Variants in VMA22 observed in about 807,000 individuals in gnomAD.
VMA22 encodes the protein vacuolar ATPase assembly protein VMA22.
At chr2:130,342,539 G>C in the VMA22 span, 4 of 457,842 alleles carry the variant, frequency 8.7e-6, no homozygotes, top group East Asian at 1.4e-4. Context: ...ACCTTCAGTC[G>C]GTGTGCGGTT....
At chr2:130,340,242 G>A in the VMA22 span, 6 of 164,234 alleles carry the variant, frequency 3.7e-5, no homozygotes, top group African/African-American at 9.6e-5. Flanking sequence ...CTCCAGTGAC[G>A]CTATCTGCTT....
At chr2:130,341,801 G>GGGGCGGCGCC in the VMA22 span, 1 of 1,378,140 alleles carries the variant, frequency 7.3e-7, no homozygotes, top group Non-Finnish European at 9.9e-7. Context: ...CCTAGAACGC[G>GGGGCGGCGCC]CCCGCCCGCC....
chr2:130,342,667 A>G, the VMA22 span: 2 of 515,690 alleles, frequency 3.9e-6, no homozygotes, highest in Non-Finnish European at 7.0e-6. Context: ...GCCTGGGCGG[A>G]CATATTTATT....
At chr2:130,342,368 G>C in the VMA22 span, 1 of 677,330 alleles carries the variant, frequency 1.5e-6, no homozygotes, top group South Asian at 1.9e-5. Flanking sequence ...CTGCTGAACT[G>C]TCGGCTAGGG....
At chr2:130,340,456 G>A in the VMA22 span, 1 of 240,950 alleles carries the variant, frequency 4.2e-6, no homozygotes, top group African/African-American at 2.4e-5. Context: ...GATATATCTG[G>A]CTTCAGGGCT....
At chr2:130,340,929 C>G in the VMA22 span, 1 of 1,614,098 alleles carries the variant, frequency 6.2e-7, no homozygotes, top group South Asian at 1.1e-5. Flanking sequence ...CTTGCTTGAG[C>G]CTGACGTAGA....
chr2:130,341,957 G>A, the VMA22 span: 3 of 1,613,248 alleles, frequency 1.9e-6, no homozygotes, highest in Non-Finnish European at 1.7e-6. Flanking sequence ...GCAGGGAGAG[G>A]AAAGCGGTGA....
the VMA22 span, chr2:130,340,839 C>G: frequency 4.4e-6 from 7 of 1,577,442 alleles, no homozygotes; most frequent in South Asian, 2.2e-5. Flanking sequence ...GCCATGGCAG[C>G]AGTGCTCAAG....
chr2:130,340,542 G>A, the VMA22 span: 1 of 296,108 alleles, frequency 3.4e-6, no homozygotes, highest in Non-Finnish European at 6.6e-6. Context: ...CACCTCCTCA[G>A]AGAGACCTCC....
the VMA22 span, chr2:130,341,754 A>G: frequency 1.2e-6 from 2 of 1,610,942 alleles, no homozygotes; most frequent in South Asian, 2.2e-5. Context: ...GCCTCGCTGA[A>G]GGACGAGAAG....
the VMA22 span, chr2:130,339,728 C>T: frequency 7.7e-7 from 1 of 1,304,292 alleles, no homozygotes. Context: ...TCACTCGCTC[C>T]AGGAAACACT....
chr2:130,341,476 G>A, the VMA22 span: 3 of 593,056 alleles, frequency 5.1e-6, no homozygotes, highest in Admixed American at 3.3e-5. Context: ...TATTCCCAGT[G>A]TAAAGCAACT....
chr2:130,339,178 C>T, the VMA22 span: 3 of 1,614,190 alleles, frequency 1.9e-6, no homozygotes, highest in South Asian at 1.1e-5. Flanking sequence ...GAGCTGGCTT[C>T]GACCCCAGTC....
chr2:130,341,585 A>G, the VMA22 span: 3 of 1,231,220 alleles, frequency 2.4e-6, no homozygotes, highest in Non-Finnish European at 3.5e-6. Flanking sequence ...TTATCGCAAA[A>G]ACCTAATTTA....
chr2:130,339,925 G>C, the VMA22 span: 1 of 900,700 alleles, frequency 1.1e-6, no homozygotes, highest in Non-Finnish European at 1.5e-6. Context: ...GTGCTATGCA[G>C]TGGACTCCCA....
chr2:130,337,971 A>G, the VMA22 span, among the ~76,000 whole-genome samples: 1 of 152,256 alleles, frequency 6.6e-6, no homozygotes, highest in Admixed American at 6.5e-5. Context: ...AGTAATGTCC[A>G]CGAAACAGAA....
At chr2:130,342,132 A>C in the VMA22 span, 1 of 1,612,862 alleles carries the variant, frequency 6.2e-7, no homozygotes, top group East Asian at 2.2e-5. Flanking sequence ...CCATGGACAC[A>C]CCTCCAGATC....
the VMA22 span, chr2:130,339,374 G>A: frequency 1.5e-6 from 2 of 1,348,438 alleles, no homozygotes; most frequent in Non-Finnish European, 9.9e-7. Context: ...GTACGGCCCT[G>A]CATTGGCTGC....
the VMA22 span, chr2:130,338,868 C>T: frequency 2.1e-6 from 1 of 476,740 alleles, no homozygotes. Context: ...CTAACGTGTA[C>T]CTGCCTATGT....
Sources: allele counts gnomAD v4.1 joint callset (sites outside exome capture counted in the v4.1 genomes callset), GRCh38; gene constraint gnomAD v4.1.1; transcripts MANE v1.5; gene names NCBI Gene and HGNC (gene_info 2026-07-23, HGNC 2026-07-21).